The following DMD variants were observed in gnomAD, a reference collection of about 807,000 sequenced individuals.
DMD encodes the protein mutant dystrophin.
DMD carries 63 observed loss-of-function variants against 330.1 expected under a neutral mutation model. That is an observed-to-expected ratio of 0.19 (90% CI 0.16 to 0.24). The LOEUF (loss-of-function observed/expected upper bound fraction) is 0.24, where lower values mean the gene tolerates loss of function less well. Among genes scored for constraint, DMD ranks in the 10% least tolerant of loss-of-function variants. The pLI is 1.00. For missense variants in DMD, 3,344 were observed against 2,684.1 expected (o/e 1.25, Z -5.43); for synonymous variants, 1,223 against 959.8 (o/e 1.27, Z -5.07).
At chrX:32,021,979 T>C (rs375184611) in intron 44 of DMD, among the ~76,000 whole-genome samples, 9 of 112,005 alleles carry the variant, frequency 8.0e-5, no homozygotes, top group East Asian at 2.8e-4. Flanking sequence ...AAGGAGTAGT[T>C]TTCCTTTCTA....
chrX:32,132,687 G>A (rs191450398), intron 44 of DMD, among the ~76,000 whole-genome samples: 12 of 110,318 alleles, frequency 1.1e-4, no homozygotes, highest in Non-Finnish European at 7.6e-5. Context: ...GTGGACCTGC[G>A]CTGGAGATTT....
intron 47 of DMD, among the ~76,000 whole-genome samples, chrX:31,889,639 TCTCTCTCTCACACACACACACACA>T (rs1341643669): frequency 1.3e-5 from 1 of 74,390 alleles, no homozygotes; most frequent in Non-Finnish European, 2.5e-5. Context: ...TCTCTCTCTC[TCTCTCTCTCACACACACACACACA>T]CACACACACA....
intron 20 of DMD, among the ~76,000 whole-genome samples, chrX:32,485,369 G>A (rs1002659814): frequency 9.0e-6 from 1 of 110,601 alleles, no homozygotes; most frequent in African/African-American, 3.3e-5. Context: ...GTATGAATGC[G>A]TACAGTGGAA....
At chrX:33,194,862 A>G (rs1354648152) in intron 1 of DMD, among the ~76,000 whole-genome samples, 4 of 111,847 alleles carry the variant, frequency 3.6e-5, no homozygotes, top group Non-Finnish European at 5.6e-5. Context: ...ATGTTAACGT[A>G]ATATACAAAA....
chrX:32,970,490 T>G lies in DMD; in HGVS notation c.93+49649A>C, dbSNP rs748571765. ...AGATACTAAAAATACAAAAATTAGC[T>G]GGACATGGTGGCGCACACCTGTAAT... On this transcript the variant is annotated intron_variant, in intron 2 of 78. Transcript: ENST00000357033. 3.6e-4 allele frequency among the ~76,000 whole-genome samples: 33 copies of G among 92,478 alleles called. 5 individuals carry two copies. Among genetic ancestry groups the G allele is most frequent in the African/African-American group, 1.6e-3 (32 of 20,353 alleles). The allele number at this position is 92,478 out of a possible 115,157, so 80.3% of individuals were successfully genotyped here.
At chrX:31,491,571 C>T (rs1156872049) in intron 57 of DMD, among the ~76,000 whole-genome samples, 1 of 112,078 alleles carries the variant, frequency 8.9e-6, no homozygotes, top group Non-Finnish European at 1.9e-5. Context: ...TATAACACTT[C>T]ACCGCATCTG....
At chrX:32,224,192 G>A (rs2147920299) in intron 43 of DMD, among the ~76,000 whole-genome samples, 1 of 111,084 alleles carries the variant, frequency 9.0e-6, no homozygotes, top group East Asian at 2.8e-4. Context: ...GTCTTTTGAT[G>A]TATAGATGTT....
At chrX:32,778,833 A>C (rs1234833895) in intron 7 of DMD, among the ~76,000 whole-genome samples, 1 of 110,169 alleles carries the variant, frequency 9.1e-6, no homozygotes, top group Non-Finnish European at 1.9e-5. Flanking sequence ...TCCCTATTTT[A>C]AGATCAGCTA....
chrX:32,730,692 G>A (rs1239749099), intron 7 of DMD, among the ~76,000 whole-genome samples: 2 of 111,978 alleles, frequency 1.8e-5, no homozygotes, highest in African/African-American at 3.2e-5. Context: ...TATAGGTAGT[G>A]GGAGCCACTA....
At chrX:32,729,726 A>C (rs1406649216) in intron 7 of DMD, among the ~76,000 whole-genome samples, 2 of 102,200 alleles carry the variant, frequency 2.0e-5, no homozygotes, top group African/African-American at 7.6e-5. Context: ...TTTTATACTA[A>C]GAAATTCAGA....
At chrX:31,332,568 T>C (rs1601924254) in intron 61 of DMD, among the ~76,000 whole-genome samples, 1 of 112,075 alleles carries the variant, frequency 8.9e-6, no homozygotes, top group Admixed American at 9.5e-5. Flanking sequence ...TCATCCTCTT[T>C]GGTCTGTGCA....
chrX:32,675,850 G>A lies in DMD; in HGVS notation c.960+22020C>T, dbSNP rs141654902. On this transcript the variant is annotated intron_variant, in intron 9 of 78. Coordinates refer to ENST00000357033, the MANE Select transcript of DMD (RefSeq NM_004006.3). ...ATGTATGAAAAGTGTTTACAGCAAT[G>A]TTTGTTATATAATGATTGTCCAATA... 5.0e-3 allele frequency among the ~76,000 whole-genome samples: 558 copies of A among 111,909 alleles called. 11 individuals carry two copies. Among genetic ancestry groups the A allele is most frequent in the African/African-American group, 0.017 (526 of 30,943 alleles).
intron 2 of DMD, among the ~76,000 whole-genome samples, chrX:33,009,123 CGTATATATGTATATATATGTGTATAT>C (rs2093496137): frequency 4.7e-5 from 1 of 21,295 alleles, no homozygotes; most frequent in Non-Finnish European, 8.3e-5. Flanking sequence ...TGTATATATA[CGTATATATGTATATATATGTGTATAT>C]ATACGTATAT....
At chrX:32,183,281 C>T (rs1050051963) in intron 44 of DMD, among the ~76,000 whole-genome samples, 1 of 110,503 alleles carries the variant, frequency 9.0e-6, no homozygotes, top group Admixed American at 9.8e-5. Flanking sequence ...TTGAAGTTCC[C>T]TGGTGTGATA....
chrX:31,447,739 C>T (rs960734478), intron 59 of DMD, among the ~76,000 whole-genome samples: 2 of 110,958 alleles, frequency 1.8e-5, no homozygotes, highest in African/African-American at 6.6e-5. Context: ...TGGCTCAAGA[C>T]TGTAATCCCA....
At chrX:32,084,417 G>T (rs1001062637) in intron 44 of DMD, among the ~76,000 whole-genome samples, 1 of 111,364 alleles carries the variant, frequency 9.0e-6, no homozygotes, top group African/African-American at 3.3e-5. Context: ...AAATGTCTCT[G>T]CCCAAAGTGA....
intron 47 of DMD, among the ~76,000 whole-genome samples, chrX:31,881,381 T>A (rs1187872697): frequency 7.9e-5 from 7 of 88,242 alleles, no homozygotes; most frequent in African/African-American, 3.1e-4. Context: ...TGAAACCCCA[T>A]CTCTACTAAA....
At chrX:32,878,821 G>A (rs150455508) in intron 2 of DMD, among the ~76,000 whole-genome samples, 2,371 of 107,874 alleles carry the variant, frequency 0.022, 70 homozygotes, top group African/African-American at 0.065. Context: ...CAGCCTGACC[G>A]AGATGGAGAA....
chrX:31,919,814 G>C, intron 47 of DMD, among the ~76,000 whole-genome samples: 1 of 112,096 alleles, frequency 8.9e-6, no homozygotes, highest in Non-Finnish European at 1.9e-5. Flanking sequence ...CAGTGGTCTT[G>C]CCCCGAACCA....
Sources: gnomAD v4.1 joint callset for allele counts (sites outside exome capture counted in the v4.1 genomes callset) on GRCh38, gnomAD v4.1.1 for gene constraint, MANE v1.5 for transcripts, NCBI Gene and HGNC (gene_info 2026-07-23, HGNC 2026-07-21) for gene names.